SORCS2: variants seen among roughly 807,000 people sequenced by gnomAD.
The protein encoded by SORCS2 is sortilin related VPS10 domain containing receptor 2.
In SORCS2, 100 loss-of-function variants were observed where a neutral mutation model predicts 141.6. That is an observed-to-expected ratio of 0.71 (90% CI 0.60 to 0.83). The LOEUF is 0.83. Among genes scored for constraint, SORCS2 ranks in the 40% least tolerant of loss-of-function variants. The pLI, the probability that SORCS2 is intolerant of heterozygous loss-of-function variation, is 0.00. For synonymous variants in SORCS2, 789 were observed against 676.9 expected (o/e 1.17, Z -2.57); for missense variants, 1,646 against 1,560.2 (o/e 1.05, Z -0.93).
At chr4:7,582,755 C>A (rs1011013220) in intron 3 of SORCS2, among the ~76,000 whole-genome samples, 16 of 152,212 alleles carry the variant, frequency 1.1e-4, no homozygotes, top group African/African-American at 3.9e-4. Context: ...CACACCACAT[C>A]CAGCAAGAGC....
chr4:7,392,575 C>T (rs1447562512), intron 1 of SORCS2, among the ~76,000 whole-genome samples: 1 of 152,112 alleles, frequency 6.6e-6, no homozygotes, highest in East Asian at 1.9e-4. Context: ...CTGGCAGCCT[C>T]AGGGGCGGGC....
intron 19 of SORCS2, among the ~76,000 whole-genome samples, chr4:7,724,314 TG>T (rs1726873324): frequency 7.2e-6 from 1 of 139,250 alleles, no homozygotes; most frequent in East Asian, 2.1e-4. Flanking sequence ...ATGGTGGTGG[TG>T]GTGGTGGTGA....
At chr4:7,426,450 G>C (rs1347923862) in intron 2 of SORCS2, among the ~76,000 whole-genome samples, 1 of 152,214 alleles carries the variant, frequency 6.6e-6, no homozygotes, top group Non-Finnish European at 1.5e-5. Context: ...TTGTAGGCCA[G>C]GTGTGGCTCA....
intron 2 of SORCS2, among the ~76,000 whole-genome samples, chr4:7,405,184 G>A (rs1724890915): frequency 6.6e-6 from 1 of 152,034 alleles, no homozygotes; most frequent in Non-Finnish European, 1.5e-5. Flanking sequence ...CTTTATTTCT[G>A]GGTTCTCCAT....
At chr4:7,368,052 T>C (rs1320664767) in intron 1 of SORCS2, among the ~76,000 whole-genome samples, 1 of 152,158 alleles carries the variant, frequency 6.6e-6, no homozygotes, top group Non-Finnish European at 1.5e-5. Context: ...TACCATAAGC[T>C]CCTTTTTTTA....
At position 7,515,157 on chromosome 4, in the gene SORCS2, T is replaced by A. The variant is rs142587951; in HGVS notation, c.549-16373T>A. Reference sequence around the variant, plus strand: ...CCCTGCCTCTCACCCTGGAGATAACTCTGAGTGGGAGGCGTGGCTCCCTCC... The same window carrying A: ...CCCTGCCTCTCACCCTGGAGATAACACTGAGTGGGAGGCGTGGCTCCCTCC... On this transcript the variant is annotated intron_variant, in intron 2 of 26. Transcript: ENST00000507866. Among the ~76,000 whole-genome samples, 101 of 152,244 alleles carry A rather than the reference T, an allele frequency of 6.6e-4. 1 individual carries two copies. Among genetic ancestry groups the A allele is most frequent in the African/African-American group, 2.4e-3 (99 of 41,548 alleles).
intron 1 of SORCS2, among the ~76,000 whole-genome samples, chr4:7,251,176 T>C (rs1713485734): frequency 6.6e-6 from 1 of 152,200 alleles, no homozygotes; most frequent in South Asian, 2.1e-4. Context: ...CTTTGCATCA[T>C]GGAAAGTTTC....
intron 1 of SORCS2, among the ~76,000 whole-genome samples, chr4:7,367,682 C>T (rs985760594): frequency 3.9e-5 from 6 of 152,212 alleles, no homozygotes; most frequent in Non-Finnish European, 8.8e-5. Context: ...CTCAGGAGCC[C>T]GTGTTGGCTC....
intron 3 of SORCS2, among the ~76,000 whole-genome samples, chr4:7,534,198 A>G (rs1283763348): frequency 6.6e-6 from 1 of 152,218 alleles, no homozygotes; most frequent in Non-Finnish European, 1.5e-5. Context: ...AGTGTCACAA[A>G]CAGTGTGTGC....
chr4:7,509,320 G>A (rs531938454), intron 2 of SORCS2, among the ~76,000 whole-genome samples: 12 of 152,270 alleles, frequency 7.9e-5, no homozygotes, highest in African/African-American at 2.9e-4. Context: ...GGGAGAAAGG[G>A]AGGGATACCC....
At chr4:7,328,692 A>G (rs945297021) in intron 1 of SORCS2, among the ~76,000 whole-genome samples, 2 of 151,894 alleles carry the variant, frequency 1.3e-5, no homozygotes, top group South Asian at 2.1e-4. Flanking sequence ...TATGTCAGAG[A>G]AGCAAGACAG....
chr4:7,340,106 G>T (rs1190142104), intron 1 of SORCS2, among the ~76,000 whole-genome samples: 3 of 152,232 alleles, frequency 2.0e-5, no homozygotes, highest in Non-Finnish European at 2.9e-5. Context: ...ACCCAGAAGG[G>T]CTCACAAGAT....
intron 1 of SORCS2, among the ~76,000 whole-genome samples, chr4:7,287,489 A>G (rs1716307011): frequency 6.6e-6 from 1 of 152,108 alleles, no homozygotes; most frequent in Admixed American, 6.5e-5. Context: ...GGGTGGGGAG[A>G]CGGGAACCTT....
chr4:7,395,413 A>G lies in SORCS2; in HGVS notation c.481-875A>G, dbSNP rs535792342. On this transcript the variant is annotated intron_variant, in intron 1 of 26. Coordinates refer to ENST00000507866, the MANE Select transcript of SORCS2 (RefSeq NM_020777.3). ...TACCCTAGCCATGGGAGTGTTAGGA[A>G]CAGCTAACAGGGACTGGCAGTGAGT... 2.6e-5 allele frequency among the ~76,000 whole-genome samples: 4 copies of G among 152,328 alleles called. No individual in the cohort carries two copies. In the South Asian group the frequency reaches 6.2e-4, roughly 24 times the overall value.
At chr4:7,441,035 G>C (rs115342231) in intron 2 of SORCS2, among the ~76,000 whole-genome samples, 1 of 152,136 alleles carries the variant, frequency 6.6e-6, no homozygotes, top group East Asian at 1.9e-4. Flanking sequence ...AGGTGGTGCT[G>C]TCGGTCCCTG....
At chr4:7,523,089 C>CCCTCCTGCCTCTG (rs1560353817) in intron 2 of SORCS2, among the ~76,000 whole-genome samples, 1 of 141,614 alleles carries the variant, frequency 7.1e-6, no homozygotes, top group Non-Finnish European at 1.5e-5. Flanking sequence ...CTTCCCATTT[C>CCCTCCTGCCTCTG]CCTCCTCCCT....
chr4:7,508,111 T>A (rs1212146542), intron 2 of SORCS2, among the ~76,000 whole-genome samples: 2 of 151,748 alleles, frequency 1.3e-5, no homozygotes, highest in Non-Finnish European at 2.9e-5. Context: ...GGTGTTTGGT[T>A]TGGTTTAGCC....
chr4:7,529,716 A>G (rs532804891), intron 2 of SORCS2, among the ~76,000 whole-genome samples: 33 of 152,230 alleles, frequency 2.2e-4, no homozygotes, highest in African/African-American at 7.7e-4. Flanking sequence ...AGGGCCTTGG[A>G]ATTTTCTGGG....
chr4:7,452,401 C>T (rs1728518995), intron 2 of SORCS2, among the ~76,000 whole-genome samples: 1 of 152,232 alleles, frequency 6.6e-6, no homozygotes. Context: ...CTTGGCCTCC[C>T]AAAGTGCTGG....
Sources: gnomAD v4.1 joint callset for allele counts (sites outside exome capture counted in the v4.1 genomes callset) on GRCh38, gnomAD v4.1.1 for gene constraint, MANE v1.5 for transcripts, NCBI Gene and HGNC (gene_info 2026-07-23, HGNC 2026-07-21) for gene names.